The following MICU2 variants were observed in gnomAD, a reference collection of about 807,000 sequenced individuals.
MICU2 encodes the protein calcium uptake protein 2, mitochondrial.
In MICU2, 64 loss-of-function variants were observed where a neutral mutation model predicts 60.4. The observed-to-expected ratio is 1.06, with a 90% CI of 0.87 to 1.31. The LOEUF is 1.31. Ranked by LOEUF, MICU2 falls within the 50% of genes most tolerant of loss-of-function variation. MICU2 has a pLI of 0.00. For synonymous variants in MICU2, 201 were observed against 175.0 expected (o/e 1.15, Z -1.17); for missense variants, 569 against 531.0 (o/e 1.07, Z -0.70).
chr13:21,578,268 T>C (rs537774576), intron 1 of MICU2, among the ~76,000 whole-genome samples: 1 of 152,312 alleles, frequency 6.6e-6, no homozygotes, highest in South Asian at 2.1e-4. Flanking sequence ...GGGAATCAAT[T>C]CCAAACTCAA....
chr13:21,530,767 A>C (rs1156743417), intron 4 of MICU2: 2 of 617,592 alleles, frequency 3.2e-6, no homozygotes, highest in East Asian at 6.9e-5. Context: ...AGCCATACCC[A>C]CCACCGCCCC....
chr13:21,582,430 A>G lies in MICU2; in HGVS notation c.211-15486T>C, dbSNP rs544356535. ...TATTTCAATAAGAAAAAAAGCCAAC[A>G]TAAGTAATTTTTAAAAAAGAATTGA... On this transcript the variant is annotated intron_variant, in intron 1 of 11. Transcript: ENST00000382374. Among the ~76,000 whole-genome samples, 54 of 152,344 alleles carry G rather than the reference A, an allele frequency of 3.5e-4. No individual in the cohort carries two copies. In the East Asian group the frequency reaches 9.4e-3, roughly 27 times the overall value.
chr13:21,565,058 A>G (rs1887944712), intron 2 of MICU2, among the ~76,000 whole-genome samples: 1 of 152,234 alleles, frequency 6.6e-6, no homozygotes, highest in Admixed American at 6.5e-5. Flanking sequence ...TTCTCTGATG[A>G]ATCTAACAGG....
At chr13:21,540,208 A>G (rs1314676124) in intron 2 of MICU2, among the ~76,000 whole-genome samples, 2 of 152,162 alleles carry the variant, frequency 1.3e-5, no homozygotes, top group Non-Finnish European at 2.9e-5. Context: ...ACTGGATAAC[A>G]GAGATTTAAA....
intron 6 of MICU2, among the ~76,000 whole-genome samples, chr13:21,515,194 G>A (rs982450893): frequency 2.6e-5 from 4 of 151,314 alleles, no homozygotes; most frequent in Admixed American, 1.3e-4. Flanking sequence ...CCATTCTCCT[G>A]CCTCAGCCTC....
chr13:21,603,687 T>G (rs969640000), intron 1 of MICU2: 50 of 547,404 alleles, frequency 9.1e-5, no homozygotes, highest in Middle Eastern at 4.8e-4. Context: ...TGGGCCGTGG[T>G]GTTCAGCGTC....
intron 1 of MICU2, among the ~76,000 whole-genome samples, chr13:21,572,768 TC>T (rs1888141275): frequency 6.6e-6 from 1 of 152,144 alleles, no homozygotes; most frequent in Non-Finnish European, 1.5e-5. Context: ...TTTAAATTTT[TC>T]TTTATAGTAG....
intron 2 of MICU2, among the ~76,000 whole-genome samples, chr13:21,548,902 A>C (rs1171912212): frequency 6.8e-6 from 1 of 147,902 alleles, no homozygotes; most frequent in African/African-American, 2.5e-5. Flanking sequence ...GTGGGGGAGG[A>C]GAGAAGACAA....
intron 2 of MICU2, among the ~76,000 whole-genome samples, chr13:21,561,650 G>T (rs367589063): frequency 2.3e-4 from 34 of 147,906 alleles, no homozygotes; most frequent in African/African-American, 8.4e-4. Flanking sequence ...ATTAGTGTTA[G>T]CAATTACTCT....
At chr13:21,510,357 T>G (rs1019545760) in intron 7 of MICU2, among the ~76,000 whole-genome samples, 7 of 152,166 alleles carry the variant, frequency 4.6e-5, no homozygotes, top group African/African-American at 1.7e-4. Context: ...AAACAAGATC[T>G]TAGATCAGGC....
chr13:21,603,609 C>G, intron 1 of MICU2: 2 of 372,002 alleles, frequency 5.4e-6, no homozygotes, highest in African/African-American at 4.3e-5. Flanking sequence ...CAGTGAGATT[C>G]TGAATTAGGA....
Position 21,604,136 on chromosome 13 carries a change from C to G in MICU2, c.13G>C (p.Ala5Pro), listed in dbSNP as rs758497917. The G allele has an allele frequency of 1.9e-6, 3 of 1,559,956 alleles. No individual in the cohort carries two copies. Among genetic ancestry groups the G allele is most frequent in the Non-Finnish European group, 2.6e-6 (3 of 1,155,646 alleles). MAAA[A>P]GSCARVAAWG... ...GCCGCCACCCGCGCGCAGCTACCCG[C>G]AGCCGCCGCCATCTTTGCGGAAGCG... Residue 5 changes from alanine (A) to proline (P), a missense_variant, in exon 1 of 12, where the codon GCG (alanine) becomes CCG (proline). By Grantham distance (27) the Ala-to-Pro change is conservative. Transcript: ENST00000382374.
chr13:21,593,443 G>T (rs1888626569), intron 1 of MICU2, among the ~76,000 whole-genome samples: 1 of 151,650 alleles, frequency 6.6e-6, no homozygotes, highest in African/African-American at 2.4e-5. Context: ...ACTGTCAAAA[G>T]TAATTTATAG....
intron 9 of MICU2, among the ~76,000 whole-genome samples, chr13:21,501,530 A>G (rs535352238): frequency 1.4e-3 from 213 of 152,302 alleles, no homozygotes; most frequent in Middle Eastern, 3.4e-3. Flanking sequence ...CCAAAGTGCC[A>G]GGATTACAGG....
chr13:21,571,316 T>C (rs1399504197), intron 1 of MICU2, among the ~76,000 whole-genome samples: 1 of 152,124 alleles, frequency 6.6e-6, no homozygotes, highest in Non-Finnish European at 1.5e-5. Flanking sequence ...ATAATAAACG[T>C]CAAGATATCA....
chr13:21,599,979 T>G (rs781302128), intron 1 of MICU2, among the ~76,000 whole-genome samples: 6 of 152,234 alleles, frequency 3.9e-5, no homozygotes, highest in Non-Finnish European at 8.8e-5. Context: ...CTACATTCAT[T>G]AAATGAAGAA....
chr13:21,544,532 A>AAAAAAAAAAAAAAAAC (rs560934524), intron 2 of MICU2, among the ~76,000 whole-genome samples: 1 of 132,510 alleles, frequency 7.5e-6, no homozygotes, highest in Non-Finnish European at 1.6e-5. Context: ...AAAAAAAAAA[A>AAAAAAAAAAAAAAAAC]AACTCAATAC....
chr13:21,526,567 C>T (rs573797153), intron 4 of MICU2, among the ~76,000 whole-genome samples: 1 of 151,766 alleles, frequency 6.6e-6, no homozygotes, highest in African/African-American at 2.4e-5. Flanking sequence ...ATACTAGATA[C>T]CATAGAGAGA....
At chr13:21,502,850 C>T (rs1886209924) in intron 9 of MICU2, 76 bp downstream of exon 9, 5 of 1,392,082 alleles carry the variant, frequency 3.6e-6, no homozygotes, top group African/African-American at 1.4e-5. Context: ...TTGGTTAATT[C>T]AGAAGTTACT....
Sources: gnomAD v4.1 joint callset for allele counts (sites outside exome capture counted in the v4.1 genomes callset) on GRCh38, gnomAD v4.1.1 for gene constraint, MANE v1.5 for transcripts, NCBI Gene and HGNC (gene_info 2026-07-23, HGNC 2026-07-21) for gene names.